Variants in CDIN1 observed in about 807,000 individuals in gnomAD.
The protein encoded by CDIN1 is CDAN1 interacting nuclease 1, also known as CDAN1-interacting nuclease 1.
In CDIN1, 33 loss-of-function variants were observed where a neutral mutation model predicts 45.3. That is an observed-to-expected ratio of 0.73 (90% confidence interval 0.55 to 0.97). The LOEUF is 0.97. Ranked by LOEUF, CDIN1 falls within the 50% of genes least tolerant of loss-of-function variation. The pLI, the probability that CDIN1 is intolerant of heterozygous loss-of-function variation, is 0.00. For synonymous variants in CDIN1, 118 were observed against 124.4 expected (o/e 0.95, Z 0.34); for missense variants, 303 against 339.4 (o/e 0.89, Z 0.84).
chr15:36,797,869 C>T (rs752730211), intron 10 of CDIN1, among the ~76,000 whole-genome samples: 1 of 151,404 alleles, frequency 6.6e-6, no homozygotes, highest in Admixed American at 6.6e-5. Context: ...AGTCCCAGCT[C>T]CTCAGGAGAC....
intron 10 of CDIN1, among the ~76,000 whole-genome samples, chr15:36,710,294 T>A (rs1255266608): frequency 6.6e-6 from 1 of 152,166 alleles, no homozygotes; most frequent in Non-Finnish European, 1.5e-5. Context: ...CCTTTTGATG[T>A]GAAATTTATG....
At chr15:36,633,415 T>C (rs1035296880) in intron 1 of CDIN1, among the ~76,000 whole-genome samples, 7 of 152,194 alleles carry the variant, frequency 4.6e-5, no homozygotes, top group Admixed American at 4.6e-4. Context: ...CACATCCATA[T>C]ATATATTCAC....
At chr15:36,636,563 C>CAA (rs1031862066) in intron 1 of CDIN1, among the ~76,000 whole-genome samples, 1 of 150,378 alleles carries the variant, frequency 6.6e-6, no homozygotes, top group Non-Finnish European at 1.5e-5. Context: ...AAAACAAAAA[C>CAA]AAAAAAAACA....
intron 1 of CDIN1, chr15:36,627,278 G>C (rs2039475244): frequency 6.1e-6 from 1 of 163,026 alleles, no homozygotes; most frequent in Admixed American, 6.3e-5. Flanking sequence ...AGACATGGCT[G>C]TCCTGAGCCA....
Position 36,809,587 on chromosome 15 carries a change from T to C in CDIN1, c.*1134T>C, listed in dbSNP as rs1015943. On this transcript the variant is annotated 3_prime_UTR_variant, in exon 11 of 11. Coordinates refer to ENST00000566621, the MANE Select transcript of CDIN1 (RefSeq NM_001321759.2). Reference sequence around the variant, plus strand: ...GTAAGTTAATAATAAACCTATCTTTTGGGAAGTTGAATATTAATCTGTACC... The same window carrying C: ...GTAAGTTAATAATAAACCTATCTTTCGGGAAGTTGAATATTAATCTGTACC... The C allele has an allele frequency of 0.74, 112,646 of 152,028 alleles. 43,131 individuals carry two copies. The highest frequency in any genetic ancestry group is 0.94 in the East Asian group (4,859 of 5,178). The allele number at this position is 152,028 out of a possible 1,614,324, so 9.4% of individuals were successfully genotyped here. A position where few individuals can be genotyped will look rare whatever the true frequency, so the allele number is the denominator to read the frequency against.
intron 1 of CDIN1, among the ~76,000 whole-genome samples, chr15:36,597,120 G>A (rs1004307847): frequency 5.3e-5 from 8 of 152,096 alleles, no homozygotes; most frequent in African/African-American, 1.2e-4. Flanking sequence ...AAAATAAAAT[G>A]TATGTGCCTA....
At chr15:36,716,249 T>A (rs1344545159) in intron 10 of CDIN1, among the ~76,000 whole-genome samples, 2 of 152,142 alleles carry the variant, frequency 1.3e-5, no homozygotes, top group South Asian at 4.1e-4. Flanking sequence ...AGAGAATGAC[T>A]TCGTGTTGAC....
At chr15:36,801,033 GT>G (rs1331445325) in intron 10 of CDIN1, among the ~76,000 whole-genome samples, 1 of 148,964 alleles carries the variant, frequency 6.7e-6, no homozygotes. Context: ...GTTTCTGTAT[GT>G]TTTTATTGTT....
At chr15:36,764,716 G>C (rs1476804309) in intron 10 of CDIN1, among the ~76,000 whole-genome samples, 1 of 152,082 alleles carries the variant, frequency 6.6e-6, no homozygotes, top group African/African-American at 2.4e-5. Flanking sequence ...GTTTTACTTA[G>C]GTATGTAGTC....
intron 10 of CDIN1, among the ~76,000 whole-genome samples, chr15:36,725,696 G>A (rs1027444172): frequency 1.3e-5 from 2 of 152,148 alleles, no homozygotes; most frequent in Admixed American, 1.3e-4. Flanking sequence ...TTTATAAATT[G>A]ATGTTCTATG....
At chr15:36,799,586 C>G in intron 10 of CDIN1, 1 of 152,208 alleles carries the variant, frequency 6.6e-6, no homozygotes, top group South Asian at 2.1e-4. Context: ...AGGAAGACTT[C>G]TAGAATCATT....
intron 10 of CDIN1, among the ~76,000 whole-genome samples, chr15:36,736,633 T>C (rs952752500): frequency 3.3e-5 from 5 of 152,214 alleles, no homozygotes; most frequent in Admixed American, 6.5e-5. Context: ...TGCTGAGTTA[T>C]TTCAGGGCTC....
chr15:36,803,188 A>C (rs573979360), intron 10 of CDIN1, among the ~76,000 whole-genome samples: 1 of 151,458 alleles, frequency 6.6e-6, no homozygotes, highest in Non-Finnish European at 1.5e-5. Flanking sequence ...AAGTTTACCA[A>C]AACAATAGAA....
At chr15:36,646,091 T>G (rs1287350937) in intron 3 of CDIN1, among the ~76,000 whole-genome samples, 1 of 152,166 alleles carries the variant, frequency 6.6e-6, no homozygotes, top group Non-Finnish European at 1.5e-5. Flanking sequence ...AGGGGCACAT[T>G]GGCAATGAAA....
At chr15:36,718,681 AT>A (rs1408534139) in intron 10 of CDIN1, among the ~76,000 whole-genome samples, 32 of 151,820 alleles carry the variant, frequency 2.1e-4, no homozygotes, top group Non-Finnish European at 3.7e-4. Flanking sequence ...TTGATTTTGT[AT>A]TTTGATTTTC....
intron 1 of CDIN1, among the ~76,000 whole-genome samples, chr15:36,598,231 A>G (rs1285230508): frequency 2.0e-5 from 3 of 152,076 alleles, no homozygotes; most frequent in Non-Finnish European, 4.4e-5. Context: ...TACTCAAACC[A>G]TCCACCCACC....
intron 8 of CDIN1, among the ~76,000 whole-genome samples, chr15:36,698,502 T>A (rs1269515118): frequency 6.6e-6 from 1 of 152,170 alleles, no homozygotes; most frequent in East Asian, 1.9e-4. Flanking sequence ...GATGGTAAGT[T>A]GGAAGAAATC....
intron 1 of CDIN1, among the ~76,000 whole-genome samples, chr15:36,622,523 CTG>C (rs896097379): frequency 2.0e-5 from 3 of 152,298 alleles, no homozygotes; most frequent in East Asian, 3.9e-4. Flanking sequence ...TCTTGAGTAA[CTG>C]TAATTCTAGC....
At chr15:36,788,102 ATATATTTTTT>A (rs1324642178) in intron 10 of CDIN1, among the ~76,000 whole-genome samples, 58 of 34,126 alleles carry the variant, frequency 1.7e-3, no homozygotes, top group South Asian at 4.2e-3. Context: ...ATATATATAT[ATATATTTTTT>A]TTTTTTTTTT....
Sources: allele counts gnomAD v4.1 joint callset (sites outside exome capture counted in the v4.1 genomes callset), GRCh38; gene constraint gnomAD v4.1.1; transcripts MANE v1.5; gene names NCBI Gene and HGNC (gene_info 2026-07-23, HGNC 2026-07-21).